The following SGO1 variants were observed in gnomAD, a reference collection of about 807,000 sequenced individuals.
SGO1 encodes the protein shugoshin 1.
SGO1 carries 39 observed loss-of-function variants against 50.5 expected under a neutral mutation model. The ratio of observed to expected loss-of-function variants is 0.77; its 90% CI spans 0.60 to 1.01. The LOEUF is 1.01. Among genes scored for constraint, SGO1 ranks in the 50% least tolerant of loss-of-function variants. The pLI is 0.00. For missense variants in SGO1, 638 were observed against 606.0 expected (o/e 1.05, Z -0.55); for synonymous variants, 191 against 205.1 (o/e 0.93, Z 0.59).
exon 9 of SGO1, chr3:20,161,221 G>C: frequency 1.3e-6 from 2 of 1,586,882 alleles, no homozygotes; most frequent in Non-Finnish European, 1.7e-6. Flanking sequence ...GATACCTCCA[G>C]GGCTCCTGGT....
chr3:20,183,402 G>A (rs981432224), intron 3 of SGO1, among the ~76,000 whole-genome samples: 12 of 152,200 alleles, frequency 7.9e-5, no homozygotes, highest in Admixed American at 2.6e-4. Context: ...AATGAAACAG[G>A]CAGGAACAGG....
chr3:20,163,677 TGG>T (rs1700154792), intron 8 of SGO1, among the ~76,000 whole-genome samples: 1 of 152,188 alleles, frequency 6.6e-6, no homozygotes, highest in Non-Finnish European at 1.5e-5. Context: ...AAGTTATCTT[TGG>T]GTAAACGCTG....
intron 4 of SGO1, 82 bp from the exon 5 acceptor site, chr3:20,176,741 TC>T (rs777825317): frequency 5.1e-6 from 5 of 973,042 alleles, no homozygotes; most frequent in Non-Finnish European, 7.6e-6. Flanking sequence ...TTATAATTTT[TC>T]TTTCCTTTAG....
chr3:20,162,002 C>T (rs1700064541), intron 8 of SGO1, among the ~76,000 whole-genome samples: 1 of 152,168 alleles, frequency 6.6e-6, no homozygotes, highest in Non-Finnish European at 1.5e-5. Context: ...AACGTAGTTT[C>T]AGAATTGTGG....
intron 7 of SGO1, 85 bp downstream of exon 7, chr3:20,170,958 A>C: frequency 1.4e-6 from 2 of 1,473,938 alleles, no homozygotes; most frequent in Non-Finnish European, 1.8e-6. Context: ...ATTTCAGAAA[A>C]AACTCATTCT....
chr3:20,174,900 A>C lies in SGO1; in HGVS notation c.631T>G (p.Phe211Val). The C allele has an allele frequency of 1.2e-6, 2 of 1,614,048 alleles. No homozygotes were observed. The highest frequency in any genetic ancestry group is 8.5e-7 in the Non-Finnish European group (1 of 1,179,988). Residue 211 changes from phenylalanine (F) to valine (V), a missense_variant, in exon 6 of 8, where the codon TTT becomes GTT. Phe to Val is a conservative substitution (Grantham distance 50). Coordinates refer to ENST00000412997, the MANE Select transcript of SGO1 (RefSeq NM_001199251.3). ...SICQFDSLDD[F>V]ETSHLAGKSF... Reference sequence around the variant, plus strand: ...TTCCCTGCCAAATGACTGGTTTCAAAATCATCCAAGCTATCAAACTGACAT... The same window carrying C: ...TTCCCTGCCAAATGACTGGTTTCAACATCATCCAAGCTATCAAACTGACAT...
At chr3:20,178,181 T>A (rs193144321) in intron 4 of SGO1, 90 bp downstream of exon 4, 16 of 899,918 alleles carry the variant, frequency 1.8e-5, no homozygotes, top group Non-Finnish European at 2.5e-5. Context: ...AATATAAGAG[T>A]TGACATGATG....
Position 20,171,244 on chromosome 3 carries a change from T to G in SGO1, c.1283-12A>C. The G allele has an allele frequency of 6.5e-7, 1 of 1,540,692 alleles. No individual in the cohort carries two copies. Among genetic ancestry groups the G allele is most frequent in the East Asian group, 2.4e-5 (1 of 42,276 alleles). Reference sequence around the variant, plus strand: ...TTCAGGTGGTGTAGCTACAAAACAATTTTTACTGAATATGATTTAAAAAAA... The same window carrying G: ...TTCAGGTGGTGTAGCTACAAAACAAGTTTTACTGAATATGATTTAAAAAAA... On this transcript the variant is annotated splice_polypyrimidine_tract_variant and intron_variant, in intron 6 of 7. Transcript: ENST00000412997.
intron 3 of SGO1, among the ~76,000 whole-genome samples, chr3:20,178,970 G>A (rs1271235224): frequency 6.6e-6 from 1 of 152,180 alleles, no homozygotes; most frequent in African/African-American, 2.4e-5. Flanking sequence ...GAGGCCGGGG[G>A]TAGAAAGAGC....
At chr3:20,167,724 A>G (rs116780521), downstream of SGO1, among the ~76,000 whole-genome samples, 89 of 152,206 alleles carry the variant, frequency 5.8e-4, no homozygotes, top group African/African-American at 2.0e-3. Context: ...AGAGTGATAT[A>G]CTCCTTATAA....
chr3:20,174,298 G>A lies in SGO1; in HGVS notation c.1233C>T (p.Tyr411=), dbSNP rs1294514793. The stretch of plus-strand genomic sequence containing the variant: ...AACCCTCCGTCTCTTTTTCATCTGT[G>A]TATTTCAGTGCTCTTTTAGCTAGAG... ...TRPLAKRALK[Y]TDEKETEGSK... is the part of the protein sequence containing the mutation. The change falls in exon 6 of 8, where the codon TAC becomes TAT. Residue 411 remains tyrosine, a synonymous_variant. Coordinates refer to ENST00000412997, the MANE Select transcript of SGO1 (RefSeq NM_001199251.3). 1.9e-6 allele frequency: 3 copies of A among 1,614,034 alleles called. No homozygotes were observed. The highest frequency in any genetic ancestry group is 1.1e-5 in the South Asian group (1 of 91,082).
intron 3 of SGO1, among the ~76,000 whole-genome samples, chr3:20,181,571 C>G (rs1042998202): frequency 2.0e-5 from 3 of 152,206 alleles, no homozygotes; most frequent in Admixed American, 6.5e-5. Context: ...AATAAATACT[C>G]AAAAACTATT....
At chr3:20,162,924 G>A (rs937922483) in intron 8 of SGO1, among the ~76,000 whole-genome samples, 1 of 151,676 alleles carries the variant, frequency 6.6e-6, no homozygotes, top group African/African-American at 2.4e-5. Context: ...AAACTCACAA[G>A]AGAAATCAGA....
Position 20,170,588 on chromosome 3 carries a change from C to T in SGO1, c.*116G>A. ...GAAGAAATGTTTATGAGCTAGGGTC[C>T]TGTCAAGAGAATATTCTATGGCAAT... On this transcript the variant is annotated 3_prime_UTR_variant, in exon 8 of 8. Transcript: ENST00000412997. The T allele has an allele frequency of 7.3e-7, 1 of 1,365,708 alleles. No homozygotes were observed. The highest frequency in any genetic ancestry group is 3.8e-5 in the Admixed American group (1 of 26,438). 84.6% of individuals were successfully genotyped at this position (1,365,708 alleles called of 1,614,324 possible).
At chr3:20,161,321 T>A in intron 8 of SGO1, 1 of 1,405,844 alleles carries the variant, frequency 7.1e-7, no homozygotes, top group Non-Finnish European at 9.3e-7. Context: ...CCATGAAGGA[T>A]GAGCTCACAA....
chr3:20,174,993 ACT>A lies in SGO1; in HGVS notation c.536_537del (p.Lys179IlefsTer3). 6.2e-7 allele frequency: 1 copy of A among 1,602,832 alleles called. No individual in the cohort carries two copies. Among genetic ancestry groups the A allele is most frequent in the East Asian group, 2.2e-5 (1 of 44,652 alleles). On this transcript the variant is annotated frameshift_variant, in exon 6 of 8. Transcript: ENST00000412997. LOFTEE classifies it high-confidence loss of function. ...LGVDFDSGEA[K>X]STDNVLPRTV... is the part of the protein sequence containing the mutation. Reference sequence around the variant, plus strand: ...GTTCTAGGTAAGACATTATCAGTAGACTTAGCTTCACCTGAATCAAAATCAAC... The same window carrying A: ...GTTCTAGGTAAGACATTATCAGTAGATAGCTTCACCTGAATCAAAATCAAC...
At chr3:20,162,758 A>AAT (rs1700103308) in intron 8 of SGO1, among the ~76,000 whole-genome samples, 2 of 149,300 alleles carry the variant, frequency 1.3e-5, no homozygotes, top group South Asian at 2.1e-4. Flanking sequence ...AGACAAATAA[A>AAT]ATATATATAT....
exon 9 of SGO1, chr3:20,160,912 G>A (rs898895467): frequency 1.2e-5 from 8 of 672,738 alleles, no homozygotes; most frequent in South Asian, 2.4e-5. Context: ...CTGATTCCTC[G>A]GTCACCCTGG....
At chr3:20,171,747 A>T (rs1302383095) in intron 6 of SGO1, among the ~76,000 whole-genome samples, 1 of 152,194 alleles carries the variant, frequency 6.6e-6, no homozygotes, top group Non-Finnish European at 1.5e-5. Context: ...TAGTCTTATA[A>T]AGCCGCTAAA....
Sources: allele counts gnomAD v4.1 joint callset (sites outside exome capture counted in the v4.1 genomes callset), GRCh38; gene constraint gnomAD v4.1.1; transcripts MANE v1.5; gene names NCBI Gene and HGNC (gene_info 2026-07-23, HGNC 2026-07-21).